Variants in MYO5B observed in about 807,000 individuals in gnomAD.
MYO5B encodes unconventional myosin-Vb.
MYO5B carries 143 observed loss-of-function variants against 229.3 expected under a neutral mutation model. The ratio of observed to expected loss-of-function variants is 0.62; its 90% confidence interval spans 0.54 to 0.72. MYO5B has a LOEUF of 0.72. Among genes scored for constraint, MYO5B ranks in the 30% least tolerant of loss-of-function variants. MYO5B has a pLI of 0.00. For missense variants in MYO5B, 2,321 were observed against 2,331.0 expected (o/e 1.00, Z 0.09); for synonymous variants, 918 against 885.2 (o/e 1.04, Z -0.66).
intron 1 of MYO5B, among the ~76,000 whole-genome samples, chr18:50,172,774 G>A (rs1049401831): frequency 2.6e-5 from 4 of 152,234 alleles, no homozygotes; most frequent in African/African-American, 4.8e-5. Context: ...AAGAGAGCCA[G>A]CTATGAGAGG....
chr18:50,156,702 G>A (rs996266572), intron 1 of MYO5B, among the ~76,000 whole-genome samples: 2 of 152,058 alleles, frequency 1.3e-5, no homozygotes, highest in Non-Finnish European at 2.9e-5. Flanking sequence ...ACTTTCTTAG[G>A]TACAAAAAAG....
chr18:50,056,829 G>A (rs1042786601), intron 1 of MYO5B, among the ~76,000 whole-genome samples: 2 of 149,772 alleles, frequency 1.3e-5, no homozygotes, highest in Middle Eastern at 3.2e-3. Flanking sequence ...AGTGAAAGTT[G>A]TAAGGCAACA....
intron 18 of MYO5B, among the ~76,000 whole-genome samples, chr18:49,911,030 T>C (rs1283335040): frequency 1.3e-5 from 2 of 152,230 alleles, no homozygotes; most frequent in African/African-American, 2.4e-5. Context: ...GAGTTCAAAT[T>C]GTTTCAATTA....
chr18:50,191,665 T>A (rs2033228669), intron 1 of MYO5B, among the ~76,000 whole-genome samples: 1 of 139,638 alleles, frequency 7.2e-6, no homozygotes, highest in African/African-American at 2.6e-5. Flanking sequence ...TTTATTCAAT[T>A]GTCCATTAGC....
At chr18:50,152,652 CA>C (rs1424913982) in intron 1 of MYO5B, among the ~76,000 whole-genome samples, 1 of 152,124 alleles carries the variant, frequency 6.6e-6, no homozygotes, top group Admixed American at 6.5e-5. Context: ...TTCATACAGC[CA>C]CTAACATGCA....
At position 50,171,824 on chromosome 18, in the gene MYO5B, C is replaced by T. The variant is rs1455222681; in HGVS notation, c.27+22943G>A. Among the ~76,000 whole-genome samples, 8 of 127,642 alleles carry T rather than the reference C, an allele frequency of 6.3e-5. 2 individuals carry two copies. The highest frequency in any genetic ancestry group is 2.4e-4 in the African/African-American group (8 of 33,708). The allele number at this position is 127,642 out of a possible 152,430, so 83.7% of individuals were successfully genotyped here. On this transcript the variant is annotated intron_variant, in intron 1 of 39. Coordinates refer to ENST00000285039, the MANE Select transcript of MYO5B (RefSeq NM_001080467.3). ...GTCAATCCCCACCCCATGTATTTCA[C>T]CCTTAAAACCAGAGGAAAGAATACA...
chr18:50,139,462 T>C (rs2032384728), intron 1 of MYO5B, among the ~76,000 whole-genome samples: 1 of 152,066 alleles, frequency 6.6e-6, no homozygotes, highest in African/African-American at 2.4e-5. Flanking sequence ...CTTACAAGAG[T>C]CTTGGCTTTT....
intron 1 of MYO5B, among the ~76,000 whole-genome samples, chr18:50,104,218 T>G (rs1237689761): frequency 6.9e-6 from 1 of 145,140 alleles, no homozygotes; most frequent in Non-Finnish European, 1.5e-5. Flanking sequence ...TTAACAACTT[T>G]AAGGTGTCTT....
rs1252813993 is a variant in MYO5B at position 49,984,801 on chromosome 18, G to A, written c.863C>T (p.Thr288Ile). The stretch of plus-strand genomic sequence containing the variant: ...GATGGAAGTGTCTCCTCCCTGTGAT[G>A]TATAGAAAAAGTCCTCTGCACTTGC... ...ALTSAEDFFY[T>I]SQGGDTSIEG... Residue 288 changes from threonine to isoleucine, a missense_variant, in exon 8 of 40, where the codon ACA (threonine) becomes ATA (isoleucine). Physicochemically the swap from Thr to Ile is moderately conservative, Grantham distance 89. This residue lies in a region of MYO5B where 2,113 missense variants were observed against 2,044.7 expected (regional missense o/e 1.03). Coordinates refer to ENST00000285039, the MANE Select transcript of MYO5B (RefSeq NM_001080467.3). The A allele has an allele frequency of 2.5e-6, 4 of 1,613,478 alleles. No homozygotes were observed. The East Asian group carries it at 6.7e-5, about 27-fold the overall frequency.
chr18:50,073,365 C>A (rs1482390705), intron 1 of MYO5B, among the ~76,000 whole-genome samples: 1 of 152,150 alleles, frequency 6.6e-6, no homozygotes, highest in African/African-American at 2.4e-5. Flanking sequence ...AACTCAAACC[C>A]AGGTGAACTG....
At chr18:49,981,414 G>C (rs2025813236) in intron 8 of MYO5B, among the ~76,000 whole-genome samples, 2 of 152,192 alleles carry the variant, frequency 1.3e-5, no homozygotes, top group South Asian at 4.1e-4. Context: ...CTGTAAAAAT[G>C]GGAGGCACAG....
chr18:50,037,948 G>C (rs996810496), intron 3 of MYO5B, among the ~76,000 whole-genome samples: 1 of 152,116 alleles, frequency 6.6e-6, no homozygotes, highest in Non-Finnish European at 1.5e-5. Flanking sequence ...CTGCATGTTT[G>C]CTATTTTTTA....
intron 10 of MYO5B, among the ~76,000 whole-genome samples, chr18:49,965,833 T>C (rs1239937251): frequency 1.3e-5 from 2 of 152,100 alleles, no homozygotes; most frequent in Admixed American, 1.3e-4. Context: ...GATGATGTCC[T>C]AGAAGGAGGT....
intron 39 of MYO5B, among the ~76,000 whole-genome samples, chr18:49,827,737 A>G (rs1897792663): frequency 6.6e-6 from 1 of 152,064 alleles, no homozygotes; most frequent in South Asian, 2.1e-4. Context: ...GGAAAAGAGC[A>G]AGAAGGGGGC....
chr18:49,890,548 C>T (rs574151421), intron 22 of MYO5B, among the ~76,000 whole-genome samples: 10 of 152,334 alleles, frequency 6.6e-5, no homozygotes, highest in African/African-American at 2.4e-4. Flanking sequence ...TGCTAAAGAA[C>T]TGTCTTTACT....
chr18:50,177,563 T>C (rs2033014580), intron 1 of MYO5B, among the ~76,000 whole-genome samples: 1 of 152,236 alleles, frequency 6.6e-6, no homozygotes, highest in South Asian at 2.1e-4. Context: ...AGTCCTGCTC[T>C]CCTTAACTGC....
At chr18:49,925,042 C>T (rs1014734107) in intron 17 of MYO5B, among the ~76,000 whole-genome samples, 1 of 152,206 alleles carries the variant, frequency 6.6e-6, no homozygotes, top group African/African-American at 2.4e-5. Flanking sequence ...CCAAAGTTAA[C>T]CTGAAACACT....
chr18:49,897,384 T>C (rs2024790670), intron 21 of MYO5B, among the ~76,000 whole-genome samples: 2 of 152,170 alleles, frequency 1.3e-5, no homozygotes, highest in Non-Finnish European at 2.9e-5. Context: ...CTTGTGTGTG[T>C]CTAGGCTAAT....
intron 27 of MYO5B, among the ~76,000 whole-genome samples, chr18:49,865,252 G>A (rs1275068149): frequency 1.3e-5 from 2 of 152,134 alleles, no homozygotes; most frequent in Admixed American, 6.5e-5. Context: ...GGAGGGGAAG[G>A]CTCACAGCAA....
Sources: allele counts gnomAD v4.1 joint callset (sites outside exome capture counted in the v4.1 genomes callset), GRCh38; gene constraint gnomAD v4.1.1; regional missense constraint gnomAD v4.1.1; transcripts MANE v1.5; gene names NCBI Gene and HGNC (gene_info 2026-07-23, HGNC 2026-07-21).